The following COPA variants were observed in gnomAD, a reference collection of about 807,000 sequenced individuals.
COPA encodes coat protein complex I subunit alpha, also known as coatomer subunit alpha.
COPA carries 10 observed loss-of-function variants against 158.7 expected under a neutral mutation model. That is an observed-to-expected ratio of 0.06 (90% CI 0.04 to 0.11). The LOEUF (loss-of-function observed/expected upper bound fraction) is 0.11, where lower values mean the gene tolerates loss of function less well. Ranked by LOEUF, COPA falls within the 10% of genes least tolerant of loss-of-function variation. The pLI is 1.00. For synonymous variants in COPA, 462 were observed against 542.8 expected, an observed-to-expected ratio of 0.85 and a Z score of 2.07; for missense variants, 1,065 against 1,536.7, an observed-to-expected ratio of 0.69 and a Z score of 5.13.
chr1:160,295,283 G>A (rs943443140), intron 23 of COPA, among the ~76,000 whole-genome samples: 1 of 152,114 alleles, frequency 6.6e-6, no homozygotes, highest in Non-Finnish European at 1.5e-5. Flanking sequence ...TCTTACTCAC[G>A]GGAAATGAAC....
intron 8 of COPA, among the ~76,000 whole-genome samples, chr1:160,318,181 AAAG>A (rs1171029287): frequency 6.6e-6 from 1 of 152,172 alleles, no homozygotes; most frequent in Non-Finnish European, 1.5e-5. Flanking sequence ...GTCTGGACCA[AAAG>A]AAGAGGAATA....
chr1:160,298,707 C>G, intron 19 of COPA, 138 bp downstream of exon 19: 1 of 1,061,836 alleles, frequency 9.4e-7, no homozygotes, highest in Non-Finnish European at 1.3e-6. Flanking sequence ...AGGAAGATGG[C>G]TCAATGTAAC....
intron 2 of COPA, 31 bp downstream of exon 2, chr1:160,340,150 C>T: frequency 2.0e-6 from 3 of 1,532,950 alleles, no homozygotes; most frequent in Non-Finnish European, 2.7e-6. Flanking sequence ...AATACTTATA[C>T]TCCTTTAACT....
intron 8 of COPA, among the ~76,000 whole-genome samples, chr1:160,316,097 C>T (rs1434267717): frequency 6.6e-6 from 1 of 152,186 alleles, no homozygotes; most frequent in Non-Finnish European, 1.5e-5. Flanking sequence ...TGGTGGCTCA[C>T]ACCTATAATC....
At chr1:160,307,402 T>G (rs926140188) in intron 13 of COPA, among the ~76,000 whole-genome samples, 157 bp from the exon 14 acceptor site, 2 of 152,216 alleles carry the variant, frequency 1.3e-5, no homozygotes, top group Non-Finnish European at 2.9e-5. Flanking sequence ...GGGCTATTAT[T>G]GAGTGACTTT....
intron 3 of COPA, among the ~76,000 whole-genome samples, chr1:160,337,127 T>C (rs775049357): frequency 2.0e-5 from 3 of 152,206 alleles, no homozygotes; most frequent in Non-Finnish European, 4.4e-5. Context: ...TTTTTCCCCT[T>C]ATAGAGTTCA....
chr1:160,329,090 C>T (rs1416869140), intron 6 of COPA, among the ~76,000 whole-genome samples: 2 of 152,080 alleles, frequency 1.3e-5, no homozygotes, highest in African/African-American at 4.8e-5. Context: ...TTATTTGAAC[C>T]CAATAGCAAA....
At chr1:160,309,806 G>A (rs986361127) in intron 12 of COPA, among the ~76,000 whole-genome samples, 4 of 149,052 alleles carry the variant, frequency 2.7e-5, no homozygotes, top group African/African-American at 9.9e-5. Context: ...TGACTCTGAA[G>A]CCAACCCCAC....
In COPA at chr1:160,292,491, G is replaced by A. The variant is rs1193465763; in HGVS notation, c.2953C>T (p.Arg985Cys). The change falls in exon 28 of 33, where the codon CGC (arginine) becomes TGC (cysteine). Residue 985 changes from arginine to cysteine, a missense_variant. Around this residue, in one of 2 missense-constraint regions of COPA, gnomAD observed 980 missense variants for 1,357.8 expected, o/e 0.72. Transcript: ENST00000241704. The part of the protein sequence containing the change: ...CLPSMYGYPN[R>C]NWKDAGLKNG... The stretch of plus-strand genomic sequence containing the variant: ...AAGAGAAAAGGGCCTTACCAGTTGC[G>A]ATTAGGATAGCCATACATGGAGGGT... The A allele has an allele frequency of 1.2e-6, 2 of 1,613,386 alleles. No individual in the cohort carries two copies. The highest frequency in any genetic ancestry group is 1.7e-6 in the Non-Finnish European group (2 of 1,179,776).
At chr1:160,320,881 G>A (rs1387592906) in intron 8 of COPA, among the ~76,000 whole-genome samples, 5 of 148,824 alleles carry the variant, frequency 3.4e-5, no homozygotes, top group African/African-American at 1.2e-4. Flanking sequence ...AACAAAACCA[G>A]GCAAGGACAC....
intron 3 of COPA, 69 bp from the exon 4 acceptor site, chr1:160,335,391 T>C: frequency 8.0e-7 from 1 of 1,250,830 alleles, no homozygotes. Flanking sequence ...GAGAAATTGA[T>C]ATCTTTACAG....
At chr1:160,290,760 T>C (rs998820454) in intron 31 of COPA, 74 bp from the exon 32 acceptor site, 1 of 1,416,066 alleles carries the variant, frequency 7.1e-7, no homozygotes, top group Admixed American at 1.7e-5. Context: ...ACACCATGGT[T>C]TGGTAGTTCC....
intron 6 of COPA, among the ~76,000 whole-genome samples, chr1:160,328,453 C>T (rs549301855): frequency 6.6e-5 from 10 of 152,112 alleles, no homozygotes; most frequent in East Asian, 1.9e-4. Context: ...TTCAACAAGC[C>T]GCTCGCTAGG....
intron 8 of COPA, among the ~76,000 whole-genome samples, chr1:160,320,951 A>T (rs1288996632): frequency 6.6e-6 from 1 of 152,208 alleles, no homozygotes; most frequent in Non-Finnish European, 1.5e-5. Context: ...AAAATCCTCA[A>T]CAAAATATTA....
chr1:160,294,953 T>G, intron 23 of COPA, 96 bp from the exon 24 acceptor site: 1 of 960,736 alleles, frequency 1.0e-6, no homozygotes, highest in Non-Finnish European at 1.6e-6. Context: ...CAAAAACAGG[T>G]GCCAAGCTTC....
At chr1:160,318,947 G>C (rs1001011407) in intron 8 of COPA, among the ~76,000 whole-genome samples, 3 of 150,856 alleles carry the variant, frequency 2.0e-5, no homozygotes, top group African/African-American at 7.3e-5. Flanking sequence ...CACAAAAGAA[G>C]ACAGTAAGAA....
chr1:160,309,671 A>T (rs1038799982), intron 12 of COPA, among the ~76,000 whole-genome samples: 6 of 152,230 alleles, frequency 3.9e-5, no homozygotes, highest in Middle Eastern at 3.4e-3. Context: ...CAATATAGTT[A>T]TATGAGGAAA....
At chr1:160,333,703 CTTTAAACA>C (rs1647639107) in intron 4 of COPA, 24 bp from the exon 5 acceptor site, 1 of 1,576,108 alleles carries the variant, frequency 6.3e-7, no homozygotes, top group African/African-American at 1.4e-5. Flanking sequence ...CAGACAAAGG[CTTTAAACA>C]TTAAACAAAT....
At chr1:160,319,914 CA>C (rs80269064) in intron 8 of COPA, among the ~76,000 whole-genome samples, 245 of 75,576 alleles carry the variant, frequency 3.2e-3, no homozygotes, top group East Asian at 0.02. Flanking sequence ...ACACCTATGT[CA>C]AAAAAAAAAA....
Sources: allele counts gnomAD v4.1 joint callset (sites outside exome capture counted in the v4.1 genomes callset), GRCh38; gene constraint gnomAD v4.1.1; regional missense constraint gnomAD v4.1.1; transcripts MANE v1.5; gene names NCBI Gene and HGNC (gene_info 2026-07-23, HGNC 2026-07-21).